CMSS1: variants seen among roughly 807,000 people sequenced by gnomAD.
CMSS1 encodes protein CMSS1.
A neutral mutation model predicts 43.5 loss-of-function variants in CMSS1; 33 were observed. That is an observed-to-expected ratio of 0.76 (90% CI 0.57 to 1.01). CMSS1 has a LOEUF of 1.01. Ranked by LOEUF, CMSS1 falls within the 50% of genes least tolerant of loss-of-function variation. CMSS1 has a pLI of 0.00. For missense variants in CMSS1, 313 were observed against 326.4 expected (o/e 0.96, Z 0.32); for synonymous variants, 115 against 117.2 (o/e 0.98, Z 0.12).
chr3:99,835,132 C>T (rs1490317041), intron 1 of CMSS1, among the ~76,000 whole-genome samples: 2 of 152,172 alleles, frequency 1.3e-5, no homozygotes, highest in African/African-American at 4.8e-5. Flanking sequence ...TTTCCTCTCT[C>T]TCCAATTATT....
chr3:100,068,368 GT>G (rs2065702657), intron 1 of CMSS1, among the ~76,000 whole-genome samples: 1 of 152,052 alleles, frequency 6.6e-6, no homozygotes, highest in East Asian at 1.9e-4. Flanking sequence ...GTGTGTGTGT[GT>G]GTGTGTGTGT....
chr3:99,829,414 G>A (rs1457862999), intron 1 of CMSS1, among the ~76,000 whole-genome samples: 1 of 152,180 alleles, frequency 6.6e-6, no homozygotes, highest in African/African-American at 2.4e-5. Flanking sequence ...TCTGCCAGGG[G>A]ACTGTGTCTA....
intron 1 of CMSS1, among the ~76,000 whole-genome samples, chr3:99,881,313 T>C (rs1705719025): frequency 6.6e-6 from 1 of 152,182 alleles, no homozygotes. Flanking sequence ...CCTACAAACA[T>C]TTTGTGTTTC....
At chr3:100,148,298 C>A (rs187695834) in intron 2 of CMSS1, among the ~76,000 whole-genome samples, 1 of 152,180 alleles carries the variant, frequency 6.6e-6, no homozygotes, top group East Asian at 1.9e-4. Context: ...AGGCTGGTCT[C>A]GAACTTCTGG....
At chr3:100,071,507 C>G (rs1380301362) in intron 1 of CMSS1, among the ~76,000 whole-genome samples, 2 of 152,118 alleles carry the variant, frequency 1.3e-5, no homozygotes, top group African/African-American at 4.8e-5. Context: ...CTAAAATTTA[C>G]ATGGGAGAAG....
At chr3:100,165,359 G>A (rs1309302716) in intron 4 of CMSS1, among the ~76,000 whole-genome samples, 1 of 151,994 alleles carries the variant, frequency 6.6e-6, no homozygotes, top group East Asian at 1.9e-4. Flanking sequence ...GTTATGTTGT[G>A]TTGTATTTTG....
At chr3:99,878,013 T>A (rs751059117) in intron 1 of CMSS1, among the ~76,000 whole-genome samples, 21 of 152,250 alleles carry the variant, frequency 1.4e-4, no homozygotes, top group Non-Finnish European at 3.1e-4. Flanking sequence ...CTGGTTCCCA[T>A]GAAATATGTT....
At chr3:100,052,422 G>A (rs552041627) in intron 1 of CMSS1, among the ~76,000 whole-genome samples, 11 of 152,182 alleles carry the variant, frequency 7.2e-5, no homozygotes, top group Admixed American at 2.6e-4. Flanking sequence ...GATGGTAGTG[G>A]TGTATCCGTG....
intron 1 of CMSS1, among the ~76,000 whole-genome samples, chr3:99,922,168 A>C (rs761496594): frequency 2.7e-4 from 41 of 152,250 alleles, no homozygotes; most frequent in Admixed American, 1.4e-3. Flanking sequence ...TGATCAGTAA[A>C]TGTTCATAAT....
chr3:99,876,150 C>T, intron 1 of CMSS1: 1 of 986,070 alleles, frequency 1.0e-6, no homozygotes, highest in South Asian at 4.7e-5. Flanking sequence ...ACTGTGCGCG[C>T]TCCGAGAGTC....
At chr3:100,140,298 T>C (rs2066794327) in intron 1 of CMSS1, among the ~76,000 whole-genome samples, 1 of 152,120 alleles carries the variant, frequency 6.6e-6, no homozygotes, top group Non-Finnish European at 1.5e-5. Flanking sequence ...TCCTCTATTA[T>C]TTTGGTAAGA....
intron 1 of CMSS1, among the ~76,000 whole-genome samples, chr3:99,987,569 G>A (rs938598626): frequency 6.7e-6 from 1 of 149,186 alleles, no homozygotes; most frequent in Non-Finnish European, 1.5e-5. Context: ...AAATATTTAA[G>A]TGCAAGAGAT....
intron 1 of CMSS1, among the ~76,000 whole-genome samples, chr3:99,862,951 A>T (rs1277956429): frequency 6.6e-6 from 1 of 152,170 alleles, no homozygotes; most frequent in African/African-American, 2.4e-5. Context: ...CCAAAGCCTC[A>T]CTGATGCTCT....
At chr3:99,903,149 G>C (rs1277245837) in intron 1 of CMSS1, among the ~76,000 whole-genome samples, 6 of 152,074 alleles carry the variant, frequency 3.9e-5, no homozygotes, top group Admixed American at 2.0e-4. Context: ...CTCTCTCATA[G>C]GGTTGTTATG....
At chr3:99,894,127 TCTC>T (rs1706174338) in intron 1 of CMSS1, among the ~76,000 whole-genome samples, 1 of 152,194 alleles carries the variant, frequency 6.6e-6, no homozygotes, top group Non-Finnish European at 1.5e-5. Context: ...GTAAGACAAA[TCTC>T]CTGCTTTAAG....
intron 1 of CMSS1, among the ~76,000 whole-genome samples, chr3:99,841,519 C>T (rs1943130977): frequency 6.6e-6 from 1 of 152,174 alleles, no homozygotes; most frequent in South Asian, 2.1e-4. Context: ...GTAACCTCAC[C>T]TCCACCTATC....
At chr3:100,082,764 G>A (rs1347390298) in intron 1 of CMSS1, among the ~76,000 whole-genome samples, 2 of 152,138 alleles carry the variant, frequency 1.3e-5, no homozygotes, top group Non-Finnish European at 2.9e-5. Flanking sequence ...CTGTTTCTGT[G>A]AGGTCCATAC....
chr3:100,178,249 C>A, intron 9 of CMSS1, 56 bp from the exon 10 acceptor site: 1 of 1,092,576 alleles, frequency 9.2e-7, no homozygotes, highest in Non-Finnish European at 1.4e-6. Flanking sequence ...AATGTATTCA[C>A]CAAGACCATT....
intron 1 of CMSS1, among the ~76,000 whole-genome samples, chr3:100,012,347 G>A (rs1204235697): frequency 6.6e-6 from 1 of 152,020 alleles, no homozygotes; most frequent in Non-Finnish European, 1.5e-5. Context: ...TTTCTTTCCT[G>A]AGAATCTCTA....
Sources: gnomAD v4.1 joint callset for allele counts (sites outside exome capture counted in the v4.1 genomes callset) on GRCh38, gnomAD v4.1.1 for gene constraint, MANE v1.5 for transcripts, NCBI Gene and HGNC (gene_info 2026-07-23, HGNC 2026-07-21) for gene names.